The following MICAL2 variants were observed in gnomAD, a reference collection of about 807,000 sequenced individuals.
The protein encoded by MICAL2 is microtubule associated monooxygenase, calponin and LIM domain containing 2.
In MICAL2, 77 loss-of-function variants were observed where a neutral mutation model predicts 127.3. That is an observed-to-expected ratio of 0.60 (90% confidence interval 0.50 to 0.73). The LOEUF is 0.73. Ranked by LOEUF, MICAL2 falls within the 30% of genes least tolerant of loss-of-function variation. The probability of loss-of-function intolerance (pLI) is 0.00; values close to 1 mark genes in which losing one functional copy is unlikely to be tolerated. For missense variants in MICAL2, 1,351 were observed against 1,434.4 expected, an observed-to-expected ratio of 0.94 and a Z score of 0.94; for synonymous variants, 570 against 551.1, an observed-to-expected ratio of 1.03 and a Z score of -0.48.
intron 12 of MICAL2, 83 bp from the exon 13 acceptor site, chr11:12,224,590 A>G (rs1857191616): frequency 1.9e-6 from 3 of 1,540,650 alleles, no homozygotes; most frequent in Non-Finnish European, 2.6e-6. Flanking sequence ...GTCCCCAGCC[A>G]TGGTGGCAAT....
chr11:12,158,597 A>G (rs147767509), intron 2 of MICAL2, among the ~76,000 whole-genome samples: 5,277 of 152,330 alleles, frequency 0.035, 115 homozygotes, highest in Non-Finnish European at 0.055. Context: ...GTATTTACAT[A>G]GCACTTGTAT....
intron 29 of MICAL2, among the ~76,000 whole-genome samples, chr11:12,305,665 A>T (rs1565300355): frequency 6.6e-6 from 1 of 152,120 alleles, no homozygotes; most frequent in Non-Finnish European, 1.5e-5. Flanking sequence ...GTACTCACCT[A>T]TTTTTTTACC....
intron 1 of MICAL2, among the ~76,000 whole-genome samples, chr11:12,114,084 T>A (rs1849809542): frequency 6.6e-6 from 1 of 152,214 alleles, no homozygotes; most frequent in Non-Finnish European, 1.5e-5. Flanking sequence ...CATTTTCACA[T>A]ACACAAACTC....
At chr11:12,230,025 G>A (rs1858011987) in intron 15 of MICAL2, among the ~76,000 whole-genome samples, 1 of 152,182 alleles carries the variant, frequency 6.6e-6, no homozygotes, top group African/African-American at 2.4e-5. Flanking sequence ...TCCTGTGGGT[G>A]GGTTAGGTTG....
intron 2 of MICAL2, among the ~76,000 whole-genome samples, chr11:12,149,537 C>A (rs1853342534): frequency 1.3e-5 from 2 of 152,006 alleles, no homozygotes; most frequent in African/African-American, 2.4e-5. Context: ...GAGACCTGAC[C>A]CTCCTAGGAA....
intron 9 of MICAL2, among the ~76,000 whole-genome samples, chr11:12,221,092 G>A (rs543173063): frequency 1.3e-5 from 2 of 152,274 alleles, no homozygotes; most frequent in Admixed American, 1.3e-4. Flanking sequence ...TGGTCCTTGG[G>A]CACTATTGTG....
At chr11:12,265,060 G>A (rs939752944), downstream of MICAL2, among the ~76,000 whole-genome samples, 3 of 152,180 alleles carry the variant, frequency 2.0e-5, no homozygotes, top group African/African-American at 4.8e-5. Flanking sequence ...TCACTTTATT[G>A]TCAAAGCGTG....
downstream of MICAL2, among the ~76,000 whole-genome samples, chr11:12,359,998 T>A (rs1362112778): frequency 6.6e-6 from 1 of 152,172 alleles, no homozygotes; most frequent in East Asian, 1.9e-4. Flanking sequence ...GATGTATAAC[T>A]GGATTTCCTC....
At chr11:12,322,654 G>C (rs1864311465) in intron 30 of MICAL2, among the ~76,000 whole-genome samples, 2 of 152,144 alleles carry the variant, frequency 1.3e-5, no homozygotes, top group African/African-American at 4.8e-5. Flanking sequence ...TGTATGCTCA[G>C]AGAAGGCAAA....
intron 1 of MICAL2, among the ~76,000 whole-genome samples, chr11:12,132,752 G>A (rs760479460): frequency 6.6e-6 from 1 of 152,226 alleles, no homozygotes; most frequent in Non-Finnish European, 1.5e-5. Context: ...CATGATTGTA[G>A]TCAGGAAGAT....
intron 32 of MICAL2, among the ~76,000 whole-genome samples, chr11:12,345,797 T>TGA (rs998316219): frequency 1.1e-4 from 17 of 151,756 alleles, no homozygotes; most frequent in Admixed American, 9.2e-4. Flanking sequence ...GATGAAGGTG[T>TGA]GAGAGAGAGG....
At chr11:12,239,136 G>GA (rs1162659859) in intron 16 of MICAL2, among the ~76,000 whole-genome samples, 3 of 152,110 alleles carry the variant, frequency 2.0e-5, no homozygotes, top group Non-Finnish European at 2.9e-5. Flanking sequence ...TTTTATACAT[G>GA]AAAAAATGTC....
chr11:12,296,083 A>G (rs1225063906), downstream of MICAL2, among the ~76,000 whole-genome samples: 1 of 152,026 alleles, frequency 6.6e-6, no homozygotes, highest in Non-Finnish European at 1.5e-5. Context: ...AATAAAAACT[A>G]AAATGTATTA....
intron 16 of MICAL2, among the ~76,000 whole-genome samples, chr11:12,237,196 G>T (rs548358351): frequency 2.0e-5 from 3 of 152,142 alleles, no homozygotes; most frequent in Non-Finnish European, 4.4e-5. Flanking sequence ...AAAGGGAAGC[G>T]CTGACAAAGA....
intron 3 of MICAL2, among the ~76,000 whole-genome samples, chr11:12,181,464 A>G (rs1011592782): frequency 6.6e-6 from 1 of 152,214 alleles, no homozygotes; most frequent in Non-Finnish European, 1.5e-5. Flanking sequence ...TGTCTAATTT[A>G]TTTTGTTTTG....
chr11:12,119,507 C>G (rs867954447), intron 1 of MICAL2, among the ~76,000 whole-genome samples: 1 of 152,252 alleles, frequency 6.6e-6, no homozygotes, highest in East Asian at 1.9e-4. Context: ...AAAGGTAGGC[C>G]AAGGAGGTGA....
chr11:12,293,717 G>T, downstream of MICAL2: 3 of 1,614,030 alleles, frequency 1.9e-6, no homozygotes, highest in Non-Finnish European at 2.5e-6. Flanking sequence ...GTACTGCCTG[G>T]TGAGCCCTGG....
intron 2 of MICAL2, among the ~76,000 whole-genome samples, chr11:12,147,726 A>C (rs1853092627): frequency 6.6e-6 from 1 of 152,232 alleles, no homozygotes; most frequent in Non-Finnish European, 1.5e-5. Context: ...CATCCACAGC[A>C]CCTAGCAAGG....
intron 1 of MICAL2, among the ~76,000 whole-genome samples, chr11:12,123,042 T>C (rs2133483361): frequency 6.6e-6 from 1 of 151,908 alleles, no homozygotes; most frequent in East Asian, 1.9e-4. Context: ...TCTTCAGAAA[T>C]TGTTTTTTTT....
Sources: gnomAD v4.1 joint callset for allele counts (sites outside exome capture counted in the v4.1 genomes callset) on GRCh38, gnomAD v4.1.1 for gene constraint, MANE v1.5 for transcripts, NCBI Gene and HGNC (gene_info 2026-07-23, HGNC 2026-07-21) for gene names.